The following KIAA1671 variants were observed in gnomAD, a reference collection of about 807,000 sequenced individuals.
KIAA1671 encodes uncharacterized protein KIAA1671.
A neutral mutation model predicts 131.2 loss-of-function variants in KIAA1671; 52 were observed. That is an observed-to-expected ratio of 0.40 (90% CI 0.32 to 0.50). The LOEUF is 0.50. Ranked by LOEUF, KIAA1671 falls within the 20% of genes least tolerant of loss-of-function variation. KIAA1671 has a pLI of 0.73. For synonymous variants in KIAA1671, 1,003 were observed against 961.6 expected, an observed-to-expected ratio of 1.04 and a Z score of -0.80; for missense variants, 2,360 against 2,364.2, an observed-to-expected ratio of 1.00 and a Z score of 0.04.
Position 25,093,852 on chromosome 22 carries a change from C to G in KIAA1671, c.4530+44488C>G, listed in dbSNP as rs890379436. ...TCTCTCTGTCTGTCTCTCTCTCTCT[C>G]TCTCTCTCTCTCTCTCTCTCTCTCT... On this transcript the variant is annotated intron_variant, in intron 6 of 12. Coordinates refer to ENST00000358431, the MANE Select transcript of KIAA1671 (RefSeq NM_001145206.2). 6.1e-4 allele frequency among the ~76,000 whole-genome samples: 74 copies of G among 121,106 alleles called. 1 individual carries two copies. Among genetic ancestry groups the G allele is most frequent in the Middle Eastern group, 4.1e-3 (1 of 246 alleles). The allele number at this position is 121,106 out of a possible 152,430, so 79.5% of individuals were successfully genotyped here.
At chr22:25,066,759 C>T (rs1323507803) in intron 6 of KIAA1671, among the ~76,000 whole-genome samples, 1 of 151,688 alleles carries the variant, frequency 6.6e-6, no homozygotes, top group Non-Finnish European at 1.5e-5. Context: ...CTTTCGACAG[C>T]ATGGGCAAAG....
At chr22:24,953,762 C>T (rs1196544350) in intron 1 of KIAA1671, among the ~76,000 whole-genome samples, 2 of 152,182 alleles carry the variant, frequency 1.3e-5, no homozygotes. Flanking sequence ...AGGCGTGTGA[C>T]CTCCACCGCG....
At chr22:25,106,905 T>G (rs1931034207) in intron 6 of KIAA1671, among the ~76,000 whole-genome samples, 1 of 152,228 alleles carries the variant, frequency 6.6e-6, no homozygotes, top group Non-Finnish European at 1.5e-5. Flanking sequence ...TATGTGACTG[T>G]GATGAACATT....
chr22:25,176,542 T>C (rs1354273076), intron 8 of KIAA1671: 1 of 152,208 alleles, frequency 6.6e-6, no homozygotes, highest in Non-Finnish European at 1.5e-5. Flanking sequence ...TCTGTTTATC[T>C]CCTTTTTATA....
At chr22:25,177,624 A>C in intron 9 of KIAA1671, 102 bp downstream of exon 9, 18 of 977,154 alleles carry the variant, frequency 1.8e-5, no homozygotes, top group Non-Finnish European at 2.7e-5. Flanking sequence ...GCTGTAGATC[A>C]TTAGAACACA....
chr22:25,137,713 C>T (rs1932736187), intron 6 of KIAA1671, among the ~76,000 whole-genome samples: 1 of 152,204 alleles, frequency 6.6e-6, no homozygotes, highest in African/African-American at 2.4e-5. Flanking sequence ...TGTTATTTAC[C>T]ATTGTGTCCT....
At chr22:25,123,225 C>G (rs1932029832) in intron 6 of KIAA1671, among the ~76,000 whole-genome samples, 1 of 103,062 alleles carries the variant, frequency 9.7e-6, no homozygotes, top group Non-Finnish European at 1.8e-5. Flanking sequence ...GAGATGGAGT[C>G]TTGCTCTGTC....
At chr22:25,151,691 CG>C (rs1933050214) in intron 6 of KIAA1671, among the ~76,000 whole-genome samples, 2 of 152,010 alleles carry the variant, frequency 1.3e-5, no homozygotes, top group Non-Finnish European at 2.9e-5. Context: ...TTGGCCTCCC[CG>C]GCCTCCCAAA....
chr22:25,167,127 G>T (rs527646605), intron 6 of KIAA1671, among the ~76,000 whole-genome samples: 15 of 152,344 alleles, frequency 9.8e-5, no homozygotes, highest in African/African-American at 3.6e-4. Flanking sequence ...TGTCGATGGT[G>T]CTGTGCCTCT....
At chr22:24,984,671 T>C (rs1227713873) in intron 1 of KIAA1671, among the ~76,000 whole-genome samples, 1 of 151,954 alleles carries the variant, frequency 6.6e-6, no homozygotes, top group Non-Finnish European at 1.5e-5. Flanking sequence ...GGTAAAACTT[T>C]GGGAGGCCGA....
At chr22:24,960,608 A>G (rs1319110498) in intron 1 of KIAA1671, among the ~76,000 whole-genome samples, 4 of 141,244 alleles carry the variant, frequency 2.8e-5, no homozygotes, top group African/African-American at 1.0e-4. Context: ...CTATGAGCTT[A>G]TTTAACCGAT....
At chr22:24,958,463 A>G (rs1010840523) in intron 1 of KIAA1671, among the ~76,000 whole-genome samples, 2 of 151,974 alleles carry the variant, frequency 1.3e-5, no homozygotes, top group African/African-American at 4.8e-5. Flanking sequence ...CAGCCTGGCC[A>G]ACATGGTGAA....
At chr22:25,164,332 T>A (rs1249363028) in intron 6 of KIAA1671, among the ~76,000 whole-genome samples, 1 of 152,156 alleles carries the variant, frequency 6.6e-6, no homozygotes, top group Non-Finnish European at 1.5e-5. Flanking sequence ...TGTTCCTGCT[T>A]CTGGGCTTCC....
chr22:25,066,873 G>A (rs1294859991), intron 6 of KIAA1671, among the ~76,000 whole-genome samples: 1 of 152,184 alleles, frequency 6.6e-6, no homozygotes, highest in African/African-American at 2.4e-5. Context: ...GAGTGATGAG[G>A]AAGCAAGGAA....
At chr22:25,156,536 C>T (rs921070866) in intron 6 of KIAA1671, among the ~76,000 whole-genome samples, 2 of 150,454 alleles carry the variant, frequency 1.3e-5, no homozygotes, top group Non-Finnish European at 2.9e-5. Flanking sequence ...TGTATGTGTA[C>T]ATCCGTATGT....
intron 6 of KIAA1671, among the ~76,000 whole-genome samples, chr22:25,093,872 C>T (rs1431687668): frequency 4.0e-5 from 5 of 126,536 alleles, no homozygotes; most frequent in African/African-American, 1.2e-4. Flanking sequence ...CTCTCTCTCT[C>T]TCTCTCTCTC....
chr22:25,047,530 T>G, intron 5 of KIAA1671, among the ~76,000 whole-genome samples: 1 of 146,764 alleles, frequency 6.8e-6, no homozygotes, highest in South Asian at 2.2e-4. Flanking sequence ...TGAAGTGCAG[T>G]GGTGTGATGT....
Position 25,001,890 on chromosome 22 carries a change from A to G in KIAA1671, c.-207-23743A>G, listed in dbSNP as rs182177453. Reference sequence around the variant, plus strand: ...CTTGGGCTAAAGCAATTTCTACATTATGTAAATAAGTATATATTTTTATGT... The same window carrying G: ...CTTGGGCTAAAGCAATTTCTACATTGTGTAAATAAGTATATATTTTTATGT... On this transcript the variant is annotated intron_variant, in intron 1 of 12. Transcript: ENST00000358431. Among the ~76,000 whole-genome samples the G allele has an allele frequency of 5.9e-5, 9 of 152,192 alleles. No homozygotes were observed. The East Asian group carries it at 9.6e-4, about 16-fold the overall frequency.
intron 1 of KIAA1671, among the ~76,000 whole-genome samples, chr22:24,963,220 C>T (rs896077470): frequency 9.2e-5 from 14 of 151,882 alleles, no homozygotes; most frequent in South Asian, 6.3e-4. Context: ...AAAAATTAGC[C>T]GGGCTTTGTG....
Sources: allele counts gnomAD v4.1 joint callset (sites outside exome capture counted in the v4.1 genomes callset), GRCh38; gene constraint gnomAD v4.1.1; transcripts MANE v1.5; gene names NCBI Gene and HGNC (gene_info 2026-07-23, HGNC 2026-07-21).